Variants in MBNL1 observed in about 807,000 individuals in gnomAD.
MBNL1 encodes the protein muscleblind-like protein 1.
Under a neutral mutation model 42.2 loss-of-function variants are expected in MBNL1, and 8 were observed. The ratio of observed to expected loss-of-function variants is 0.19; its 90% CI spans 0.11 to 0.34. The LOEUF (loss-of-function observed/expected upper bound fraction) is 0.34. Ranked by LOEUF, MBNL1 falls within the 10% of genes least tolerant of loss-of-function variation. MBNL1 has a pLI of 1.00. For missense variants in MBNL1, 309 were observed against 495.3 expected (o/e 0.62, Z 3.57); for synonymous variants, 169 against 173.9 (o/e 0.97, Z 0.22).
intron 2 of MBNL1, among the ~76,000 whole-genome samples, chr3:152,328,908 A>G (rs1578036883): frequency 6.6e-6 from 1 of 152,230 alleles, no homozygotes; most frequent in South Asian, 2.1e-4. Flanking sequence ...TTGCTAATAC[A>G]TAAATATTGG....
chr3:152,393,911 A>C (rs1217081902), intron 2 of MBNL1, among the ~76,000 whole-genome samples: 1 of 152,176 alleles, frequency 6.6e-6, no homozygotes, highest in Non-Finnish European at 1.5e-5. Context: ...GAGATATGAA[A>C]TTATTTTAAA....
chr3:152,375,909 A>G (rs935736662), intron 2 of MBNL1, among the ~76,000 whole-genome samples: 1 of 152,180 alleles, frequency 6.6e-6, no homozygotes, highest in Admixed American at 6.5e-5. Context: ...CTGTTGTTTA[A>G]TAAGAATAAG....
At chr3:152,289,501 C>T (rs760801947) in intron 1 of MBNL1, among the ~76,000 whole-genome samples, 48 of 151,840 alleles carry the variant, frequency 3.2e-4, no homozygotes, top group Non-Finnish European at 6.2e-4. Context: ...GTCTTTTAAA[C>T]CAGGGAAAAA....
chr3:152,424,140 T>C (rs1457917210), intron 3 of MBNL1, among the ~76,000 whole-genome samples: 2 of 152,232 alleles, frequency 1.3e-5, no homozygotes, highest in East Asian at 1.9e-4. Flanking sequence ...AAATTGTTTC[T>C]GTTTGCAGAT....
At chr3:152,354,428 C>A (rs1418186519) in intron 2 of MBNL1, among the ~76,000 whole-genome samples, 1 of 152,108 alleles carries the variant, frequency 6.6e-6, no homozygotes, top group East Asian at 1.9e-4. Flanking sequence ...GCCCTCCAGC[C>A]TGGGTAACAA....
intron 2 of MBNL1, among the ~76,000 whole-genome samples, chr3:152,389,827 A>G (rs1182019399): frequency 6.6e-6 from 1 of 152,112 alleles, no homozygotes; most frequent in African/African-American, 2.4e-5. Flanking sequence ...GCTATACTAA[A>G]TGTATATGTT....
At chr3:152,298,373 T>C (rs777424236) in intron 1 of MBNL1, among the ~76,000 whole-genome samples, 1 of 152,250 alleles carries the variant, frequency 6.6e-6, no homozygotes, top group Non-Finnish European at 1.5e-5. Flanking sequence ...CTTGTGGTGC[T>C]GAGTTAACTG....
At chr3:152,342,825 ACAGTAT>A (rs2093585513) in intron 2 of MBNL1, among the ~76,000 whole-genome samples, 1 of 152,160 alleles carries the variant, frequency 6.6e-6, no homozygotes, top group Non-Finnish European at 1.5e-5. Context: ...TAAACTAAAA[ACAGTAT>A]CAGTTGTATT....
At chr3:152,303,314 A>G (rs1248758393) in intron 2 of MBNL1, among the ~76,000 whole-genome samples, 1 of 152,166 alleles carries the variant, frequency 6.6e-6, no homozygotes, top group Non-Finnish European at 1.5e-5. Context: ...AGCTGTAATA[A>G]TGTGTGCTAG....
intron 2 of MBNL1, among the ~76,000 whole-genome samples, chr3:152,356,561 C>G (rs1035800295): frequency 6.6e-6 from 1 of 152,172 alleles, no homozygotes; most frequent in Admixed American, 6.5e-5. Flanking sequence ...CCTCCACCTC[C>G]TGGAATCAAG....
intron 8 of MBNL1, chr3:152,458,425 A>ATGGGATTAGT (rs1738113798): frequency 1.9e-6 from 1 of 519,670 alleles, no homozygotes; most frequent in Admixed American, 3.3e-5. Context: ...CATTGCTGAA[A>ATGGGATTAGT]TGGGATTAGT....
intron 1 of MBNL1, among the ~76,000 whole-genome samples, chr3:152,287,214 C>CAA (rs879707995): frequency 9.5e-5 from 8 of 84,278 alleles, no homozygotes; most frequent in African/African-American, 3.2e-4. Context: ...GACTCCGTCT[C>CAA]AAAAAAAAAA....
intron 8 of MBNL1, among the ~76,000 whole-genome samples, chr3:152,457,519 T>A (rs1269987745): frequency 6.6e-6 from 1 of 152,354 alleles, no homozygotes; most frequent in Non-Finnish European, 1.5e-5. Flanking sequence ...TTAAAAACTT[T>A]CAAAATCAGA....
intron 1 of MBNL1, among the ~76,000 whole-genome samples, chr3:152,270,871 G>A (rs1224482386): frequency 2.0e-5 from 3 of 151,970 alleles, no homozygotes; most frequent in African/African-American, 7.3e-5. Flanking sequence ...TTGTTTAATG[G>A]GGGGTTTCCT....
At chr3:152,373,815 G>A (rs1397239883) in intron 2 of MBNL1, among the ~76,000 whole-genome samples, 2 of 152,126 alleles carry the variant, frequency 1.3e-5, no homozygotes, top group Admixed American at 1.3e-4. Flanking sequence ...TGGGAGAAAT[G>A]GTGATTTAAT....
At chr3:152,441,217 C>A (rs1319615742) in intron 4 of MBNL1, among the ~76,000 whole-genome samples, 1 of 152,126 alleles carries the variant, frequency 6.6e-6, no homozygotes, top group Non-Finnish European at 1.5e-5. Context: ...TCCTTAGAAT[C>A]CCAGTGCTTT....
At chr3:152,358,957 A>C (rs1017400799) in intron 2 of MBNL1, among the ~76,000 whole-genome samples, 2 of 152,196 alleles carry the variant, frequency 1.3e-5, no homozygotes, top group Non-Finnish European at 2.9e-5. Flanking sequence ...GGAAGATATC[A>C]GTTGCTTAAA....
intron 2 of MBNL1, among the ~76,000 whole-genome samples, chr3:152,401,052 G>T (rs1158367078): frequency 6.6e-6 from 1 of 152,170 alleles, no homozygotes; most frequent in African/African-American, 2.4e-5. Flanking sequence ...GTGGAGGCTG[G>T]ATGTAGGAAT....
intron 2 of MBNL1, among the ~76,000 whole-genome samples, chr3:152,395,128 G>T (rs1012463370): frequency 6.6e-6 from 1 of 152,070 alleles, no homozygotes; most frequent in Non-Finnish European, 1.5e-5. Context: ...CAAAGTGCTG[G>T]GATTACAGGT....
Sources: gnomAD v4.1 joint callset for allele counts (sites outside exome capture counted in the v4.1 genomes callset) on GRCh38, gnomAD v4.1.1 for gene constraint, MANE v1.5 for transcripts, NCBI Gene and HGNC (gene_info 2026-07-23, HGNC 2026-07-21) for gene names.